NAV2: variants seen among roughly 807,000 people sequenced by gnomAD.
NAV2 encodes the protein helicase, APC down-regulated 1.
In NAV2, 54 loss-of-function variants were observed where a neutral mutation model predicts 223.2. That is an observed-to-expected ratio of 0.24 (90% CI 0.19 to 0.30). The LOEUF (loss-of-function observed/expected upper bound fraction) is 0.30. NAV2 is among the 10% of genes least tolerant of loss of function. The probability of loss-of-function intolerance (pLI) is 1.00; values close to 1 mark genes in which losing one functional copy is unlikely to be tolerated. For synonymous variants in NAV2, 1,279 were observed against 1,239.3 expected (o/e 1.03, Z -0.67); for missense variants, 2,806 against 3,147.5 (o/e 0.89, Z 2.60).
chr11:19,793,932 G>A (rs976387195), intron 1 of NAV2, among the ~76,000 whole-genome samples: 1 of 152,106 alleles, frequency 6.6e-6, no homozygotes, highest in South Asian at 2.1e-4. Flanking sequence ...AGAGGCCGCC[G>A]GGACCCCCAA....
intron 1 of NAV2, among the ~76,000 whole-genome samples, chr11:19,733,651 G>A (rs1392487776): frequency 6.6e-6 from 1 of 152,208 alleles, no homozygotes; most frequent in African/African-American, 2.4e-5. Context: ...GGAGAGAAAG[G>A]ATTTAGATAT....
At chr11:19,633,206 C>A (rs776089660) in intron 1 of NAV2, among the ~76,000 whole-genome samples, 2 of 152,166 alleles carry the variant, frequency 1.3e-5, no homozygotes, top group Non-Finnish European at 2.9e-5. Flanking sequence ...CATCCCAGGA[C>A]TTTTGCCTTC....
intron 1 of NAV2, among the ~76,000 whole-genome samples, chr11:19,806,596 C>T (rs1054122847): frequency 1.4e-4 from 22 of 152,154 alleles, no homozygotes; most frequent in African/African-American, 4.8e-4. Context: ...ACTACTAGAC[C>T]TTGGCCAGAT....
intron 1 of NAV2, among the ~76,000 whole-genome samples, chr11:19,794,987 C>T (rs1192258432): frequency 1.3e-5 from 2 of 152,218 alleles, no homozygotes; most frequent in African/African-American, 4.8e-5. Context: ...GGCCTAGCGG[C>T]ATCTTTCTGC....
At chr11:19,608,579 GA>G (rs1453607637) in intron 1 of NAV2, among the ~76,000 whole-genome samples, 2 of 152,226 alleles carry the variant, frequency 1.3e-5, no homozygotes, top group African/African-American at 2.4e-5. Context: ...ATCTGGAGGA[GA>G]AAAGATAGCC....
chr11:19,812,792 T>C (rs1446242181), intron 1 of NAV2, among the ~76,000 whole-genome samples: 2 of 151,432 alleles, frequency 1.3e-5, no homozygotes, highest in East Asian at 3.9e-4. Context: ...CACTCTGGAT[T>C]TGCTTAGTTT....
intron 6 of NAV2, among the ~76,000 whole-genome samples, chr11:19,929,580 A>G (rs367727428): frequency 1.3e-5 from 2 of 152,266 alleles, no homozygotes; most frequent in East Asian, 3.9e-4. Flanking sequence ...AAATGCCCCC[A>G]TGACTTAATA....
At chr11:20,014,901 CAAAAA>C (rs1204380916) in intron 11 of NAV2, among the ~76,000 whole-genome samples, 48 of 151,236 alleles carry the variant, frequency 3.2e-4, no homozygotes, top group African/African-American at 1.0e-3. Context: ...GACTTCATCT[CAAAAA>C]TAAATAAATA....
Position 19,870,035 on chromosome 11 carries a change from A to G in NAV2, c.511+1038A>G, listed in dbSNP as rs541521075. Among the ~76,000 whole-genome samples, 79 of 152,186 alleles carry G rather than the reference A, an allele frequency of 5.2e-4. 1 individual carries two copies. Among genetic ancestry groups the G allele is most frequent in the African/African-American group, 1.8e-3 (74 of 41,522 alleles). On this transcript the variant is annotated intron_variant, in intron 4 of 37. Coordinates refer to ENST00000349880, the MANE Select transcript of NAV2 (RefSeq NM_145117.5). ...ACCACTATTAATGCCTCGTGGATGT[A>G]TTGCGTCTCTGAGTGGGACTGTAGG...
At chr11:19,703,254 C>T (rs1268232649) in intron 1 of NAV2, among the ~76,000 whole-genome samples, 1 of 152,196 alleles carries the variant, frequency 6.6e-6, no homozygotes, top group Non-Finnish European at 1.5e-5. Context: ...GTTAACTCTG[C>T]TCCAAATCCT....
intron 4 of NAV2, among the ~76,000 whole-genome samples, chr11:19,878,845 C>T (rs190619394): frequency 4.6e-5 from 7 of 152,310 alleles, no homozygotes; most frequent in African/African-American, 1.7e-4. Context: ...GCCTCTTTCC[C>T]AGCCCGGGGC....
chr11:19,617,576 G>A (rs1590691960), intron 1 of NAV2, among the ~76,000 whole-genome samples: 1 of 152,200 alleles, frequency 6.6e-6, no homozygotes, highest in Non-Finnish European at 1.5e-5. Context: ...TAATTTCCAG[G>A]CAGTAAGTGC....
In NAV2 at chr11:19,359,926, C is replaced by G. The variant is rs972831286; in HGVS notation, c.75+8899C>G. 3.9e-5 allele frequency among the ~76,000 whole-genome samples: 6 copies of G among 152,118 alleles called. No homozygotes were observed. The East Asian group carries it at 1.2e-3, about 29-fold the overall frequency. On this transcript the variant is annotated intron_variant, in intron 1 of 37. Transcript: ENST00000360655. Reference sequence around the variant, plus strand: ...CATGGTTTCTTTCTCTTCCCTCTTCCCTTCAAGGCTGATCCTCATTGCCCC... The same window carrying G: ...CATGGTTTCTTTCTCTTCCCTCTTCGCTTCAAGGCTGATCCTCATTGCCCC...
At chr11:20,118,012 T>A (rs2063271246) in intron 37 of NAV2, 121 bp from the exon 38 acceptor site, 1 of 1,096,900 alleles carries the variant, frequency 9.1e-7, no homozygotes, top group Non-Finnish European at 1.3e-6. Flanking sequence ...TCTTGTCCAC[T>A]GCCTCCACTG....
At chr11:19,482,793 A>AT (rs1420959941) in intron 1 of NAV2, among the ~76,000 whole-genome samples, 1 of 152,206 alleles carries the variant, frequency 6.6e-6, no homozygotes, top group African/African-American at 2.4e-5. Flanking sequence ...GTAAATGGGT[A>AT]TTCTCTTTAA....
At chr11:19,402,947 C>G (rs1849748635) in intron 1 of NAV2, among the ~76,000 whole-genome samples, 1 of 152,234 alleles carries the variant, frequency 6.6e-6, no homozygotes, top group South Asian at 2.1e-4. Context: ...ACATTCATCC[C>G]TCATCCATTC....
chr11:19,859,137 C>CTCTTTTTTTTTTTTTTTTTTTTTTTTT (rs1467179579), intron 3 of NAV2, among the ~76,000 whole-genome samples: 2 of 107,108 alleles, frequency 1.9e-5, no homozygotes, highest in African/African-American at 6.8e-5. Flanking sequence ...ATCATATTCT[C>CTCTTTTTTTTTTTTTTTTTTTTTTTTT]TTTTTTTTTT....
rs574989998 is a variant in NAV2, at chr11:19,807,177, A to C, written c.268-25307A>C. The stretch of plus-strand genomic sequence containing the variant: ...CAACCCATGGCCTTTCTGTTCATTC[A>C]TAGAAAATCCCATGGTCATGATAAT... On this transcript the variant is annotated intron_variant, in intron 1 of 37. Coordinates refer to ENST00000349880, the MANE Select transcript of NAV2 (RefSeq NM_145117.5). Among the ~76,000 whole-genome samples, 57 of 152,348 alleles carry C rather than the reference A, an allele frequency of 3.7e-4. 1 individual carries two copies. Among genetic ancestry groups the C allele is most frequent in the South Asian group, 2.3e-3 (11 of 4,830 alleles).
chr11:19,992,371 G>T (rs979121835), intron 11 of NAV2, among the ~76,000 whole-genome samples: 1 of 152,206 alleles, frequency 6.6e-6, no homozygotes, highest in Non-Finnish European at 1.5e-5. Context: ...CTACCAGGGG[G>T]TTATAAAGAG....
Sources: gnomAD v4.1 joint callset for allele counts (sites outside exome capture counted in the v4.1 genomes callset) on GRCh38, gnomAD v4.1.1 for gene constraint, MANE v1.5 for transcripts, NCBI Gene and HGNC (gene_info 2026-07-23, HGNC 2026-07-21) for gene names.